Variants in WFDC5 observed in about 807,000 individuals in gnomAD.
WFDC5 encodes the protein WAP four-disulfide core domain 5, also known as WAP four-disulfide core domain protein 5.
WFDC5 carries 15 observed loss-of-function variants against 15.7 expected under a neutral mutation model. The ratio of observed to expected loss-of-function variants is 0.96; its 90% confidence interval spans 0.64 to 1.47. The LOEUF (loss-of-function observed/expected upper bound fraction) is 1.47. Ranked by LOEUF, WFDC5 falls within the 40% of genes most tolerant of loss-of-function variation. WFDC5 has a pLI of 0.00. For synonymous variants in WFDC5, 109 were observed against 107.7 expected (o/e 1.01, Z -0.07); for missense variants, 280 against 258.0 (o/e 1.09, Z -0.59).
intron 2 of WFDC5, 36 bp from the exon 3 acceptor site, chr20:45,110,576 C>T (rs1289369306): frequency 2.5e-6 from 4 of 1,614,014 alleles, no homozygotes; most frequent in African/African-American, 1.3e-5. Flanking sequence ...TCCGTCCTTG[C>T]CCACTGGCCC....
intron 3 of WFDC5, 90 bp from the exon 4 acceptor site, chr20:45,110,103 G>T: frequency 5.9e-6 from 9 of 1,529,450 alleles, no homozygotes; most frequent in Non-Finnish European, 7.9e-6. Context: ...CACCAGCTCA[G>T]CTCTGGTTGC....
chr20:45,110,331 C>T, intron 3 of WFDC5, 69 bp downstream of exon 3: 1 of 1,539,894 alleles, frequency 6.5e-7, no homozygotes, highest in Non-Finnish European at 8.7e-7. Flanking sequence ...AAGCTTGTAG[C>T]AATGAAGAAA....
intron 1 of WFDC5, among the ~76,000 whole-genome samples, chr20:45,113,711 A>C (rs1480903198): frequency 6.6e-6 from 1 of 152,228 alleles, no homozygotes; most frequent in Non-Finnish European, 1.5e-5. Flanking sequence ...GCCTTGTCTA[A>C]GTCATTCTTT....
chr20:45,110,391 G>A lies in WFDC5; in HGVS notation c.376C>T (p.Pro126Ser). ...GGAGGCACCTGCCCTGGGCACCCAG[G>A]AGCCGTACCTCTGGCAGGATCCCGG... is the stretch of plus-strand genomic sequence containing the variant. The change falls in exon 3 of 4, where the codon CCT (proline) becomes TCT (serine). Residue 126 changes from proline to serine, a missense_variant. Coordinates refer to ENST00000307971, the Ensembl canonical transcript of WFDC5. 6.3e-7 allele frequency: 1 copy of A among 1,593,280 alleles called. No homozygotes were observed. Among genetic ancestry groups the A allele is most frequent in the South Asian group, 1.1e-5 (1 of 88,414 alleles).
At chr20:45,109,489 A>G (rs1981546820) in exon 4 of WFDC5, 1 of 500,954 alleles carries the variant, frequency 2.0e-6, no homozygotes, top group Admixed American at 3.3e-5. Flanking sequence ...ATTTATTTAT[A>G]TACAAAAGTG....
At chr20:45,113,875 C>A (rs113791870) in intron 1 of WFDC5, among the ~76,000 whole-genome samples, 10 of 151,924 alleles carry the variant, frequency 6.6e-5, no homozygotes, top group African/African-American at 2.4e-4. Flanking sequence ...TCTGGTCTCT[C>A]AGCTCCTTCC....
chr20:45,113,018 A>T (rs1490533403), intron 1 of WFDC5, among the ~76,000 whole-genome samples: 1 of 152,222 alleles, frequency 6.6e-6, no homozygotes, highest in Non-Finnish European at 1.5e-5. Context: ...TATATAGCAT[A>T]TGTATGTGAA....
At chr20:45,114,545 C>A (rs1981705411) in intron 1 of WFDC5, among the ~76,000 whole-genome samples, 2 of 152,030 alleles carry the variant, frequency 1.3e-5, no homozygotes, top group African/African-American at 2.4e-5. Flanking sequence ...AGACAGGGTC[C>A]CTCCCCACAC....
exon 4 of WFDC5, chr20:45,109,492 C>T: frequency 2.0e-6 from 1 of 496,126 alleles, no homozygotes; most frequent in South Asian, 3.5e-5. Flanking sequence ...TATTTATATA[C>T]AAAAGTGAGC....
chr20:45,110,359 G>T, intron 3 of WFDC5, 41 bp downstream of exon 3: 1 of 1,564,494 alleles, frequency 6.4e-7, no homozygotes, highest in South Asian at 1.2e-5. Context: ...AGCTGGGCTC[G>T]GAGAGGGGAG....
At chr20:45,110,884 T>G in intron 1 of WFDC5, 109 bp from the exon 2 acceptor site, 1 of 1,442,504 alleles carries the variant, frequency 6.9e-7, no homozygotes, top group Non-Finnish European at 9.4e-7. Flanking sequence ...TTTTTGCCTG[T>G]CTTTTGGCTA....
At chr20:45,114,096 C>G (rs886781606) in intron 1 of WFDC5, among the ~76,000 whole-genome samples, 1 of 152,224 alleles carries the variant, frequency 6.6e-6, no homozygotes, top group African/African-American at 2.4e-5. Context: ...CTCACAGCAC[C>G]TTGTCGAGGA....
chr20:45,110,324 C>A, intron 3 of WFDC5, 76 bp downstream of exon 3: 1 of 1,536,962 alleles, frequency 6.5e-7, no homozygotes. Flanking sequence ...TCCTGTTAAG[C>A]TTGTAGCAAT....
At chr20:45,109,543 G>C (rs114781738) in exon 4 of WFDC5, 5 of 581,740 alleles carry the variant, frequency 8.6e-6, no homozygotes, top group African/African-American at 1.9e-5. Flanking sequence ...TACAGGCAGC[G>C]TGCAACCTAT....
chr20:45,114,964 C>A (rs1472498593), intron 1 of WFDC5, 35 bp downstream of exon 1: 1 of 1,605,124 alleles, frequency 6.2e-7, no homozygotes, highest in South Asian at 1.1e-5. Context: ...TAGAGACAAT[C>A]TGGTCCCCCC....
At chr20:45,109,480 T>G (rs2145522550) in exon 4 of WFDC5, 1 of 478,170 alleles carries the variant, frequency 2.1e-6, no homozygotes, top group African/African-American at 1.9e-5. Context: ...TTGAAATGAA[T>G]TTATTTATAT....
chr20:45,110,497 G>A, exon 3 of WFDC5: 2 of 1,614,194 alleles, frequency 1.2e-6, no homozygotes, highest in Non-Finnish European at 1.7e-6. Context: ...GGTTCATGGG[G>A]CTGAGGCAGC....
At chr20:45,110,108 G>A (rs1042731048) in intron 3 of WFDC5, 95 bp from the exon 4 acceptor site, 2 of 1,520,000 alleles carry the variant, frequency 1.3e-6, no homozygotes, top group Non-Finnish European at 8.9e-7. Context: ...GCTCAGCTCT[G>A]GTTGCCACCA....
chr20:45,111,173 T>G (rs1981606568), intron 1 of WFDC5, among the ~76,000 whole-genome samples: 1 of 152,200 alleles, frequency 6.6e-6, no homozygotes, highest in Non-Finnish European at 1.5e-5. Context: ...CTTTGCCTAG[T>G]GCACTTCTCC....
Sources: allele counts gnomAD v4.1 joint callset (sites outside exome capture counted in the v4.1 genomes callset), GRCh38; gene constraint gnomAD v4.1.1; transcripts MANE v1.5; gene names NCBI Gene and HGNC (gene_info 2026-07-23, HGNC 2026-07-21).